The following ZNF536 variants were observed in gnomAD, a reference collection of about 807,000 sequenced individuals.
ZNF536 encodes zinc finger protein 536.
Under a neutral mutation model 84.5 loss-of-function variants are expected in ZNF536, and 13 were observed. The observed-to-expected ratio is 0.15, with a 90% CI of 0.10 to 0.24. The LOEUF is 0.24. ZNF536 is among the 10% of genes least tolerant of loss of function. The pLI is 1.00. For synonymous variants in ZNF536, 811 were observed against 742.5 expected (o/e 1.09, Z -1.50); for missense variants, 1,536 against 1,747.5 (o/e 0.88, Z 2.16).
chr19:30,493,899 C>T (rs575908778), intron 2 of ZNF536, among the ~76,000 whole-genome samples: 156 of 152,096 alleles, frequency 1.0e-3, no homozygotes, highest in Non-Finnish European at 2.1e-3. Context: ...GCTCCTCATA[C>T]GTGGAGTGTT....
At chr19:30,255,804 A>AC (rs1460805412) in intron 1 of ZNF536, among the ~76,000 whole-genome samples, 6 of 152,130 alleles carry the variant, frequency 3.9e-5, no homozygotes, top group Non-Finnish European at 7.3e-5. Context: ...GTCTGCATAG[A>AC]CCCCGTCATG....
At chr19:30,689,957 A>G (rs2147896767) in intron 1 of ZNF536, among the ~76,000 whole-genome samples, 1 of 152,334 alleles carries the variant, frequency 6.6e-6, no homozygotes, top group Middle Eastern at 3.4e-3. Context: ...AAAATAAAAT[A>G]AACATCTGGT....
chr19:30,475,490 T>C, intron 2 of ZNF536, among the ~76,000 whole-genome samples: 2 of 152,158 alleles, frequency 1.3e-5, no homozygotes, highest in East Asian at 3.8e-4. Context: ...ATAAAATAGA[T>C]ATGGCCTGGT....
chr19:30,264,850 T>C (rs2025416845), intron 1 of ZNF536, among the ~76,000 whole-genome samples: 1 of 151,744 alleles, frequency 6.6e-6, no homozygotes, highest in Admixed American at 6.6e-5. Context: ...GGGGATCCGC[T>C]CCAAGCTCCA....
chr19:30,333,015 G>A lies in ZNF536; in HGVS notation c.-119-19353G>A, dbSNP rs545105161. Among the ~76,000 whole-genome samples, 4 of 152,290 alleles carry A rather than the reference G, an allele frequency of 2.6e-5. No homozygotes were observed. The South Asian group carries it at 6.2e-4, about 24-fold the overall frequency. ...GAGGATAGCTTGAGCCCAGGGGGTC[G>A]AGGCTGTAGTGAGCTTCCTGCATGC... is the stretch of plus-strand genomic sequence containing the variant. On this transcript the variant is annotated intron_variant, in intron 2 of 5. Transcript: ENST00000585628.
intron 4 of ZNF536, chr19:30,555,254 G>A (rs372162843): frequency 2.6e-5 from 4 of 152,180 alleles, no homozygotes; most frequent in African/African-American, 9.7e-5. Context: ...AAAGAGCTTG[G>A]ATCAGTGCTT....
At chr19:30,263,710 G>A (rs2025344946) in intron 1 of ZNF536, among the ~76,000 whole-genome samples, 3 of 151,988 alleles carry the variant, frequency 2.0e-5, no homozygotes, top group African/African-American at 4.8e-5. Flanking sequence ...TAAGTTGTGT[G>A]TGTGCACGCG....
rs2045675346 is a variant in ZNF536 at position 30,549,143 on chromosome 19, G to A, written c.3524G>A (p.Gly1175Glu). Residue 1175 changes from glycine (G) to glutamate (E), a missense_variant, in exon 4 of 5, where the codon GGG becomes GAG. By Grantham distance (98) the Gly-to-Glu change is moderately conservative. Transcript: ENST00000355537. Reference protein sequence around the residue: ...ASSEDMDSSKGENNDEEDVET... With the variant: ...ASSEDMDSSKEENNDEEDVET... ...TCAGAGGACATGGACTCCTCCAAGG[G>A]GGAGAACAACGATGAAGAGGATGTT... 2 of 1,614,086 alleles carry A rather than the reference G, an allele frequency of 1.2e-6. No homozygotes were observed. The highest frequency in any genetic ancestry group is 1.3e-5 in the African/African-American group (1 of 75,044).
intron 1 of ZNF536, among the ~76,000 whole-genome samples, chr19:30,230,869 C>G (rs2022984426): frequency 6.6e-6 from 1 of 152,096 alleles, no homozygotes; most frequent in African/African-American, 2.4e-5. Flanking sequence ...ATGTGGTTGC[C>G]TTTTGCTCAA....
intron 1 of ZNF536, among the ~76,000 whole-genome samples, chr19:30,612,270 T>C (rs777613411): frequency 1.3e-5 from 2 of 152,202 alleles, no homozygotes; most frequent in Non-Finnish European, 2.9e-5. Context: ...GGATCTCCCC[T>C]GTCCCCCCAA....
Position 30,443,599 on chromosome 19 carries a change from G to C in ZNF536, c.37G>C (p.Ala13Pro), listed in dbSNP as rs2148145420. The change falls in exon 2 of 5, where the codon GCG (alanine) becomes CCG (proline). Residue 13 changes from alanine to proline, a missense_variant. Coordinates refer to ENST00000355537, the MANE Select transcript of ZNF536 (RefSeq NM_014717.3). ...GAGCCTGTGCCTTGGAGTGTCTTCG[G>C]CGGAGCCGGAAGCTGAGCCCCACCT... ...EASLCLGVSSAEPEAEPHLSG... is the reference protein window; with the variant it reads ...EASLCLGVSSPEPEAEPHLSG... 2.5e-6 allele frequency: 4 copies of C among 1,583,520 alleles called. No individual in the cohort carries two copies. Among genetic ancestry groups the C allele is most frequent in the Non-Finnish European group, 3.4e-6 (4 of 1,167,322 alleles).
chr19:30,339,953 TG>T (rs2047512143), intron 2 of ZNF536, among the ~76,000 whole-genome samples: 1 of 152,030 alleles, frequency 6.6e-6, no homozygotes, highest in African/African-American at 2.4e-5. Flanking sequence ...GTGAGCTGGG[TG>T]GACCCTCCTC....
chr19:30,430,355 C>T (rs1456383922), intron 1 of ZNF536, among the ~76,000 whole-genome samples: 1 of 152,182 alleles, frequency 6.6e-6, no homozygotes, highest in African/African-American at 2.4e-5. Context: ...TCATCAAGTG[C>T]CTCCCCTGTG....
At chr19:30,488,565 T>TA (rs57555635) in intron 2 of ZNF536, among the ~76,000 whole-genome samples, 37,410 of 145,612 alleles carry the variant, frequency 0.26, 6,441 homozygotes, top group African/African-American at 0.49. Context: ...TTTTTTTAAT[T>TA]AAAAAAAAAA....
At chr19:30,305,934 G>A (rs1030316329) in intron 2 of ZNF536, among the ~76,000 whole-genome samples, 2 of 152,234 alleles carry the variant, frequency 1.3e-5, no homozygotes, top group Admixed American at 6.5e-5. Flanking sequence ...TCCTCCCGAC[G>A]TATTTAGTGA....
chr19:30,508,248 T>TGAGA (rs1475037645), intron 2 of ZNF536, among the ~76,000 whole-genome samples: 1 of 152,120 alleles, frequency 6.6e-6, no homozygotes, highest in Non-Finnish European at 1.5e-5. Flanking sequence ...AAAAGGGCTA[T>TGAGA]GAGAGGTAGA....
rs1241416927 is a variant in ZNF536, at chr19:30,548,204, G to A, written c.2585G>A (p.Gly862Glu). 1 of 1,614,178 alleles carries A rather than the reference G, an allele frequency of 6.2e-7. No homozygotes were observed. Among genetic ancestry groups the A allele is most frequent in the Non-Finnish European group, 8.5e-7 (1 of 1,180,040 alleles). The change falls in exon 4 of 5, where the codon GGG becomes GAG. Residue 862 changes from glycine (G) to glutamate (E), a missense_variant. Transcript: ENST00000355537. ...CCTGCATCTCAGCAGTGGACATCAG[G>A]GGTTCTCTCCTCTGGAGATCACTCG... is the stretch of plus-strand genomic sequence containing the variant. ...GGPASQQWTSGVLSSGDHSGQ... is the reference protein window; with the variant it reads ...GGPASQQWTSEVLSSGDHSGQ...
chr19:30,619,894 A>G (rs2048419760), intron 1 of ZNF536, among the ~76,000 whole-genome samples: 1 of 152,240 alleles, frequency 6.6e-6, no homozygotes, highest in East Asian at 1.9e-4. Flanking sequence ...GACATGAAAG[A>G]GTGATGTGGA....
At chr19:30,557,052 T>C (rs973280222) in intron 4 of ZNF536, 105 bp from the exon 5 acceptor site, 6 of 1,241,904 alleles carry the variant, frequency 4.8e-6, no homozygotes, top group Non-Finnish European at 7.0e-6. Flanking sequence ...TTTATTGTCA[T>C]TATTCCATTA....
Sources: gnomAD v4.1 joint callset for allele counts (sites outside exome capture counted in the v4.1 genomes callset) on GRCh38, gnomAD v4.1.1 for gene constraint, MANE v1.5 for transcripts, NCBI Gene and HGNC (gene_info 2026-07-23, HGNC 2026-07-21) for gene names.